Variants in ABAT observed in about 807,000 individuals in gnomAD.
ABAT encodes the protein 4-aminobutyrate aminotransferase.
In ABAT, 45 loss-of-function variants were observed where a neutral mutation model predicts 64.6. The ratio of observed to expected loss-of-function variants is 0.70; its 90% confidence interval spans 0.55 to 0.89. ABAT has a LOEUF of 0.89. ABAT is among the 40% of genes least tolerant of loss of function. The pLI, the probability that ABAT is intolerant of heterozygous loss-of-function variation, is 0.00. For synonymous variants in ABAT, 297 were observed against 250.5 expected (o/e 1.19, Z -1.75); for missense variants, 633 against 658.4 (o/e 0.96, Z 0.42).
At chr16:8,755,552 T>C (rs891691132) in intron 5 of ABAT, among the ~76,000 whole-genome samples, 2 of 152,152 alleles carry the variant, frequency 1.3e-5, no homozygotes, top group African/African-American at 4.8e-5. Context: ...TGTGTAATTA[T>C]CTCCCAGTAC....
At chr16:8,705,992 C>G (rs1474829936) in intron 1 of ABAT, among the ~76,000 whole-genome samples, 1 of 152,136 alleles carries the variant, frequency 6.6e-6, no homozygotes, top group Non-Finnish European at 1.5e-5. Flanking sequence ...TCCAAGGTCT[C>G]AGCTCCTTTA....
intron 5 of ABAT, among the ~76,000 whole-genome samples, chr16:8,755,334 A>G (rs1023950147): frequency 1.3e-5 from 2 of 152,138 alleles, no homozygotes; most frequent in Non-Finnish European, 2.9e-5. Context: ...TCTGTGTAGG[A>G]GGCAGAGGTG....
At chr16:8,703,930 A>G (rs1191174526) in intron 1 of ABAT, among the ~76,000 whole-genome samples, 1 of 152,276 alleles carries the variant, frequency 6.6e-6, no homozygotes, top group Non-Finnish European at 1.5e-5. Context: ...TATTTAAAAA[A>G]GCAGGCCAGT....
At chr16:8,728,491 CT>C (rs1311044477) in intron 1 of ABAT, among the ~76,000 whole-genome samples, 1 of 152,096 alleles carries the variant, frequency 6.6e-6, no homozygotes, top group Admixed American at 6.6e-5. Flanking sequence ...ATGAACTGCA[CT>C]TTCTACACAG....
At chr16:8,745,821 T>A (rs1156667217) in intron 2 of ABAT, among the ~76,000 whole-genome samples, 180 bp from the exon 3 acceptor site, 1 of 152,246 alleles carries the variant, frequency 6.6e-6, no homozygotes, top group East Asian at 1.9e-4. Context: ...TTTTAAAATC[T>A]ACAGTGTCCT....
In ABAT at chr16:8,725,918, C is replaced by G. The variant is rs2058538195; in HGVS notation, c.-41-9781C>G. On this transcript the variant is annotated intron_variant, in intron 1 of 15. Transcript: ENST00000268251. Reference sequence around the variant, plus strand: ...ACCCCAGTGGGTGCCCTCCAACACACCTGCCTCGAGAACCCCCTCCCCAGC... The same window carrying G: ...ACCCCAGTGGGTGCCCTCCAACACAGCTGCCTCGAGAACCCCCTCCCCAGC... Among the ~76,000 whole-genome samples, 4 of 152,186 alleles carry G rather than the reference C, an allele frequency of 2.6e-5. No individual in the cohort carries two copies. In the South Asian group the frequency reaches 8.3e-4, roughly 31 times the overall value.
intron 6 of ABAT, among the ~76,000 whole-genome samples, chr16:8,763,655 C>T (rs546668167): frequency 1.3e-5 from 2 of 152,318 alleles, no homozygotes; most frequent in Admixed American, 6.5e-5. Flanking sequence ...CCATCCGCCT[C>T]GGCCTCCCAA....
intron 2 of ABAT, among the ~76,000 whole-genome samples, chr16:8,742,969 A>G (rs2059206628): frequency 6.8e-6 from 1 of 147,900 alleles, no homozygotes. Context: ...CCAGGAGTTC[A>G]ACGCCAGGCT....
chr16:8,700,768 A>G (rs367882394), intron 1 of ABAT, among the ~76,000 whole-genome samples: 54 of 151,626 alleles, frequency 3.6e-4, no homozygotes, highest in African/African-American at 1.1e-3. Flanking sequence ...GCGCATTTTA[A>G]AACATTTTTT....
rs1402537594 is a variant in ABAT, at chr16:8,768,704, G to A, written c.668-121G>A. On this transcript the variant is annotated intron_variant, in intron 10 of 15. Transcript: ENST00000268251. ...CGATAAAAAGAACTGGGGTTTCACA[G>A]GCAACAGGCCTCCCTGCCCACTGAC... 4 of 1,378,134 alleles carry A rather than the reference G, an allele frequency of 2.9e-6. No individual in the cohort carries two copies. The African/African-American group carries it at 4.3e-5, about 15-fold the overall frequency. The allele number at this position is 1,378,134 out of a possible 1,614,324, so 85.4% of individuals were successfully genotyped here.
At chr16:8,687,137 C>A (rs975987495) in intron 1 of ABAT, among the ~76,000 whole-genome samples, 1 of 152,086 alleles carries the variant, frequency 6.6e-6, no homozygotes, top group African/African-American at 2.4e-5. Flanking sequence ...GAAACAGTGA[C>A]CCTGAGGTGG....
chr16:8,784,212 A>G lies in ABAT; in HGVS notation c.*2782A>G, dbSNP rs1050003513. 3 of 152,682 alleles carry G rather than the reference A, an allele frequency of 2.0e-5. No homozygotes were observed. The highest frequency in any genetic ancestry group is 7.2e-5 in the African/African-American group (3 of 41,470). 9.5% of individuals were successfully genotyped at this position (152,682 alleles called of 1,614,324 possible). ...GTCCAGCAAGTGTCATCACTTTTAC[A>G]GAAAACAAGGTCCAGTAATAGCAAG... On this transcript the variant is annotated 3_prime_UTR_variant, in exon 16 of 16. Coordinates refer to ENST00000268251, the MANE Select transcript of ABAT (RefSeq NM_020686.6).
intron 11 of ABAT, among the ~76,000 whole-genome samples, chr16:8,770,480 C>T (rs943263719): frequency 6.6e-6 from 1 of 151,352 alleles, no homozygotes; most frequent in Non-Finnish European, 1.5e-5. Context: ...ACTCTGTCAC[C>T]CAGGCTGGAG....
Position 8,764,009 on chromosome 16 carries a change from G to C in ABAT, c.367-60G>C, listed in dbSNP as rs957101221. 7.0e-7 allele frequency: 1 copy of C among 1,422,054 alleles called. No homozygotes were observed. Among genetic ancestry groups the C allele is most frequent in the Non-Finnish European group, 9.9e-7 (1 of 1,005,140 alleles). The allele number at this position is 1,422,054 out of a possible 1,614,324, so 88.1% of individuals were successfully genotyped here. On this transcript the variant is annotated intron_variant, in intron 6 of 15. Transcript: ENST00000268251. This position sits in a 1 kb window ranked among gnomAD's most constrained non-coding sequence, Gnocchi z 4.2. ...ACAGGGGCTATGAAAAGCACCATTT[G>C]TGGGCAGGGAGCTGGGTCAGGCCCC... is the stretch of plus-strand genomic sequence containing the variant.
chr16:8,681,539 C>A (rs1353454363), intron 1 of ABAT, among the ~76,000 whole-genome samples: 1 of 149,574 alleles, frequency 6.7e-6, no homozygotes, highest in East Asian at 2.0e-4. Context: ...TACCTGGAAC[C>A]TATGAATAGG....
intron 6 of ABAT, among the ~76,000 whole-genome samples, chr16:8,761,157 G>T (rs2059784943): frequency 6.6e-6 from 1 of 151,990 alleles, no homozygotes; most frequent in Non-Finnish European, 1.5e-5. Context: ...GTACTACCCT[G>T]TCCCTGCCAG....
intron 1 of ABAT, among the ~76,000 whole-genome samples, chr16:8,693,050 T>C (rs1216525299): frequency 1.3e-5 from 2 of 151,862 alleles, no homozygotes; most frequent in Non-Finnish European, 2.9e-5. Context: ...GAATGGGGTT[T>C]TACCATGTTG....
chr16:8,768,271 T>G lies in ABAT; in HGVS notation c.667+15T>G, dbSNP rs753309345. On this transcript the variant is annotated intron_variant, in intron 10 of 15. Coordinates refer to ENST00000268251, the MANE Select transcript of ABAT (RefSeq NM_020686.6). ...GAGGACCATGGGTAAGGAGGGACCA[T>G]TGCGCTCCCAAGGTGGCGTTTAGAA... 3 of 1,613,362 alleles carry G rather than the reference T, an allele frequency of 1.9e-6. No individual in the cohort carries two copies. The highest frequency in any genetic ancestry group is 2.5e-6 in the Non-Finnish European group (3 of 1,179,792).
intron 1 of ABAT, among the ~76,000 whole-genome samples, chr16:8,697,079 AC>A (rs1234138307): frequency 1.3e-5 from 2 of 152,206 alleles, no homozygotes; most frequent in Non-Finnish European, 2.9e-5. Flanking sequence ...GATAAGGGTG[AC>A]AAAAATAAAA....
Sources: gnomAD v4.1 joint callset for allele counts (sites outside exome capture counted in the v4.1 genomes callset) on GRCh38, gnomAD v4.1.1 for gene constraint, Gnocchi (gnomAD v3.1) non-coding constraint, MANE v1.5 for transcripts, NCBI Gene and HGNC (gene_info 2026-07-23, HGNC 2026-07-21) for gene names.